The following NTN1 variants were observed in gnomAD, a reference collection of about 807,000 sequenced individuals.
NTN1 encodes the protein netrin-1.
Under a neutral mutation model 54.2 loss-of-function variants are expected in NTN1, and 11 were observed. The ratio of observed to expected loss-of-function variants is 0.20; its 90% CI spans 0.13 to 0.34. NTN1 has a LOEUF of 0.34. Ranked by LOEUF, NTN1 falls within the 10% of genes least tolerant of loss-of-function variation. The pLI is 1.00. For missense variants in NTN1, 740 were observed against 893.1 expected (o/e 0.83, Z 2.18); for synonymous variants, 371 against 382.0 (o/e 0.97, Z 0.33).
intron 2 of NTN1, among the ~76,000 whole-genome samples, chr17:9,060,974 CAA>C (rs10689277): frequency 1.8e-5 from 2 of 108,804 alleles, no homozygotes; most frequent in Non-Finnish European, 3.5e-5. Flanking sequence ...GACTCTGTCT[CAA>C]AAAAAAAAAA....
intron 2 of NTN1, among the ~76,000 whole-genome samples, chr17:9,144,638 A>G (rs1052853831): frequency 6.6e-6 from 1 of 152,202 alleles, no homozygotes; most frequent in African/African-American, 2.4e-5. Context: ...CTGAATAGCA[A>G]AGTGGACAAG....
chr17:9,182,224 C>A (rs1466261048), intron 4 of NTN1, among the ~76,000 whole-genome samples: 1 of 125,594 alleles, frequency 8.0e-6, no homozygotes, highest in Non-Finnish European at 1.8e-5. Flanking sequence ...AGCCATCCTC[C>A]CCAAACGTGT....
intron 2 of NTN1, among the ~76,000 whole-genome samples, chr17:9,079,474 A>G (rs2092063085): frequency 6.6e-6 from 1 of 151,998 alleles, no homozygotes; most frequent in Non-Finnish European, 1.5e-5. Flanking sequence ...TTTTTTCCTT[A>G]ACACTATTCT....
the NTN1 span, among the ~76,000 whole-genome samples, chr17:9,013,451 G>A: frequency 6.6e-6 from 1 of 152,108 alleles, no homozygotes; most frequent in Non-Finnish European, 1.5e-5. Context: ...CCCGACTTCA[G>A]GTGATCTGCC....
At chr17:9,184,446 C>T (rs1198550009) in intron 5 of NTN1, among the ~76,000 whole-genome samples, 1 of 152,216 alleles carries the variant, frequency 6.6e-6, no homozygotes, top group Non-Finnish European at 1.5e-5. Context: ...TACTTCAGCT[C>T]TAGGGGAGAG....
intron 2 of NTN1, among the ~76,000 whole-genome samples, chr17:9,142,025 G>T (rs150697205): frequency 2.0e-4 from 31 of 152,196 alleles, no homozygotes; most frequent in Admixed American, 9.8e-4. Context: ...TACTCAGGAG[G>T]CTGAGGCAGG....
chr17:9,056,375 G>T (rs753684255), intron 2 of NTN1, among the ~76,000 whole-genome samples: 1 of 152,188 alleles, frequency 6.6e-6, no homozygotes. Context: ...CCATCTTGAT[G>T]GTTTTGATGG....
chr17:9,005,451 C>A, the NTN1 span, among the ~76,000 whole-genome samples: 2 of 151,670 alleles, frequency 1.3e-5, no homozygotes, highest in South Asian at 2.1e-4. Flanking sequence ...CATACACACA[C>A]ACCCTCCCTC....
intron 2 of NTN1, among the ~76,000 whole-genome samples, chr17:9,072,612 G>A (rs542770546): frequency 6.6e-6 from 1 of 152,322 alleles, no homozygotes; most frequent in African/African-American, 2.4e-5. Context: ...TGCATTCTGG[G>A]AGAGGAGGCT....
intron 3 of NTN1, among the ~76,000 whole-genome samples, chr17:9,166,501 C>G (rs1258213312): frequency 6.6e-6 from 1 of 152,038 alleles, no homozygotes; most frequent in Non-Finnish European, 1.5e-5. Context: ...GCCACCACAA[C>G]CAGCTAATTT....
chr17:9,138,895 C>G (rs970549917), intron 2 of NTN1, among the ~76,000 whole-genome samples: 5 of 152,144 alleles, frequency 3.3e-5, no homozygotes, highest in Admixed American at 1.3e-4. Flanking sequence ...GGTACTCTGG[C>G]TGCTGGGTGG....
chr17:9,231,472 C>G (rs1015710449), intron 6 of NTN1, among the ~76,000 whole-genome samples: 2 of 152,212 alleles, frequency 1.3e-5, no homozygotes, highest in Non-Finnish European at 2.9e-5. Context: ...TTGAAGATGG[C>G]TTGACTTTTA....
chr17:9,044,361 A>G (rs558779254), intron 2 of NTN1, among the ~76,000 whole-genome samples: 2 of 152,090 alleles, frequency 1.3e-5, no homozygotes, highest in East Asian at 1.9e-4. Flanking sequence ...CAGCCTCCCA[A>G]ATAGCTGGGA....
intron 2 of NTN1, among the ~76,000 whole-genome samples, chr17:9,039,988 C>T (rs561151022): frequency 6.6e-6 from 1 of 152,212 alleles, no homozygotes; most frequent in Non-Finnish European, 1.5e-5. Flanking sequence ...ACTTTCATCT[C>T]TCTTGGGCAA....
chr17:9,125,597 T>C (rs1436211531), intron 2 of NTN1, among the ~76,000 whole-genome samples: 1 of 151,676 alleles, frequency 6.6e-6, no homozygotes. Context: ...TGGAACCTAT[T>C]TGAGGGTTAT....
At chr17:9,077,825 G>A (rs566727868) in intron 2 of NTN1, among the ~76,000 whole-genome samples, 3 of 152,282 alleles carry the variant, frequency 2.0e-5, no homozygotes, top group Admixed American at 6.5e-5. Context: ...ATCCCTCTAA[G>A]CGGATGAGGC....
At chr17:9,014,082 A>AG in the NTN1 span, among the ~76,000 whole-genome samples, 2 of 152,134 alleles carry the variant, frequency 1.3e-5, no homozygotes, top group South Asian at 4.1e-4. Context: ...ACACCTGCAA[A>AG]GGGGGAGGCC....
chr17:9,226,773 G>A (rs1197130879), intron 6 of NTN1, among the ~76,000 whole-genome samples: 2 of 152,144 alleles, frequency 1.3e-5, no homozygotes, highest in African/African-American at 2.4e-5. Flanking sequence ...CTGCGAGGAG[G>A]CGGCGAGTGA....
At chr17:9,142,403 AG>A (rs2092300871) in intron 2 of NTN1, among the ~76,000 whole-genome samples, 2 of 152,196 alleles carry the variant, frequency 1.3e-5, no homozygotes, top group African/African-American at 2.4e-5. Context: ...CTTACACAGC[AG>A]AGGTGTGCAA....
Sources: gnomAD v4.1 joint callset for allele counts (sites outside exome capture counted in the v4.1 genomes callset) on GRCh38, gnomAD v4.1.1 for gene constraint, MANE v1.5 for transcripts, NCBI Gene and HGNC (gene_info 2026-07-23, HGNC 2026-07-21) for gene names.